The following SECTM1 variants were observed in gnomAD, a reference collection of about 807,000 sequenced individuals.
SECTM1 encodes secreted and transmembrane protein 1.
A neutral mutation model predicts 18.1 loss-of-function variants in SECTM1; 10 were observed. The ratio of observed to expected loss-of-function variants is 0.55; its 90% confidence interval spans 0.34 to 0.94. The LOEUF is 0.94. SECTM1 is among the 40% of genes least tolerant of loss of function. The pLI is 0.02. For synonymous variants in SECTM1, 137 were observed against 139.2 expected (o/e 0.98, Z 0.11); for missense variants, 297 against 322.6 (o/e 0.92, Z 0.61).
chr17:82,327,317 C>A, intron 1 of SECTM1, 25 bp from the exon 2 acceptor site: 1 of 1,329,462 alleles, frequency 7.5e-7, no homozygotes, highest in South Asian at 1.3e-5. Context: ...GCCCATGGGT[C>A]AGAGCCCCCT....
At chr17:82,333,316 G>A (rs1011006023) in intron 1 of SECTM1, among the ~76,000 whole-genome samples, 1 of 152,176 alleles carries the variant, frequency 6.6e-6, no homozygotes, top group South Asian at 2.1e-4. Context: ...GGGGAGCCCC[G>A]GGTCCGAGAC....
chr17:82,321,800 G>A lies in SECTM1; in HGVS notation c.*361C>T, dbSNP rs1185483455. Reference sequence around the variant, plus strand: ...CCGGCAGGGGCCCCCTCACTTGGGCGCGGAGCCCTGGGAGTGGAGAGAGCG... The same window carrying A: ...CCGGCAGGGGCCCCCTCACTTGGGCACGGAGCCCTGGGAGTGGAGAGAGCG... On this transcript the variant is annotated 3_prime_UTR_variant, in exon 5 of 5. Coordinates refer to ENST00000269389, the MANE Select transcript of SECTM1 (RefSeq NM_003004.3). 1.6e-5 allele frequency: 4 copies of A among 243,228 alleles called. No individual in the cohort carries two copies. Among genetic ancestry groups the A allele is most frequent in the South Asian group, 9.5e-5 (2 of 21,060 alleles). The allele number at this position is 243,228 out of a possible 1,614,324, so 15.1% of individuals were successfully genotyped here.
At chr17:82,323,938 T>C (rs565313195) in intron 3 of SECTM1, among the ~76,000 whole-genome samples, 3 of 143,076 alleles carry the variant, frequency 2.1e-5, no homozygotes, top group Admixed American at 1.4e-4. Flanking sequence ...CGAGGGCAGG[T>C]GTGGTCTAGG....
intron 1 of SECTM1, among the ~76,000 whole-genome samples, chr17:82,327,553 C>T (rs545723448): frequency 5.9e-5 from 9 of 152,290 alleles, no homozygotes; most frequent in South Asian, 4.1e-4. Context: ...ATCTGCCTTG[C>T]GGGTCAGCCC....
rs1288917354 is a variant in SECTM1, at chr17:82,328,659, A to G, written c.-52-1367T>C. Among the ~76,000 whole-genome samples, 1 of 152,208 alleles carries G rather than the reference A, an allele frequency of 6.6e-6. No individual in the cohort carries two copies. The highest frequency in any genetic ancestry group is 1.9e-4 in the East Asian group (1 of 5,194). On this transcript the variant is annotated intron_variant, in intron 1 of 4. Coordinates refer to ENST00000269389, the MANE Select transcript of SECTM1 (RefSeq NM_003004.3). This position sits in a 1 kb window ranked among gnomAD's most constrained non-coding sequence, Gnocchi z 5.8. ...GTTGACGTTCCTGCTGGACTTTGAA[A>G]GGGACCAGGGAAGGGAAAGTGAGGG...
intron 1 of SECTM1, among the ~76,000 whole-genome samples, chr17:82,331,868 G>A (rs529958278): frequency 7.2e-5 from 11 of 152,360 alleles, no homozygotes; most frequent in African/African-American, 2.4e-4. Context: ...GGCCGGGCGC[G>A]GTGGCGCATG....
At chr17:82,333,479 G>C (rs989045134) in intron 1 of SECTM1, among the ~76,000 whole-genome samples, 4 of 151,208 alleles carry the variant, frequency 2.6e-5, no homozygotes, top group African/African-American at 9.7e-5. Context: ...CCAGCGGGGG[G>C]TGACGGTCCC....
At chr17:82,327,346 A>ATGG in intron 1 of SECTM1, 54 bp from the exon 2 acceptor site, 1 of 1,044,210 alleles carries the variant, frequency 9.6e-7, no homozygotes, top group Non-Finnish European at 1.4e-6. Context: ...TGAAGGGGAC[A>ATGG]GCGGGAGCGG....
At chr17:82,324,461 A>T in intron 3 of SECTM1, 121 bp downstream of exon 3, 1 of 1,099,404 alleles carries the variant, frequency 9.1e-7, no homozygotes, top group Non-Finnish European at 1.3e-6. Flanking sequence ...AGCCCGGCTC[A>T]TGCCTGCTCT....
At chr17:82,332,965 G>C (rs527592222) in intron 1 of SECTM1, among the ~76,000 whole-genome samples, 35 of 152,368 alleles carry the variant, frequency 2.3e-4, no homozygotes, top group Middle Eastern at 3.4e-3. Flanking sequence ...TTCTCAAGCT[G>C]CAGGTGATTC....
Position 82,321,947 on chromosome 17 carries a change from G to A in SECTM1, c.*214C>T, listed in dbSNP as rs2052093834. 1.7e-6 allele frequency: 1 copy of A among 575,082 alleles called. No individual in the cohort carries two copies. Among genetic ancestry groups the A allele is most frequent in the African/African-American group, 1.9e-5 (1 of 52,592 alleles). 35.6% of individuals were successfully genotyped at this position (575,082 alleles called of 1,614,324 possible). A position where few individuals can be genotyped will look rare whatever the true frequency, so the allele number is the denominator to read the frequency against. ...AAGTCGGGTGCTGCGGAGGTGAGGTGGTTCCATTTTGGAAACTGAGGAAGC... is the reference window on the plus strand; with the variant it reads ...AAGTCGGGTGCTGCGGAGGTGAGGTAGTTCCATTTTGGAAACTGAGGAAGC... On this transcript the variant is annotated 3_prime_UTR_variant, in exon 5 of 5. Coordinates refer to ENST00000269389, the MANE Select transcript of SECTM1 (RefSeq NM_003004.3).
Position 82,322,106 on chromosome 17 carries a change from C to G in SECTM1, c.*55G>C. The G allele has an allele frequency of 6.3e-7, 1 of 1,579,340 alleles. No individual in the cohort carries two copies. The highest frequency in any genetic ancestry group is 8.7e-7 in the Non-Finnish European group (1 of 1,150,434). ...GGGACGAGAGACCCAGGCCCCGCCA[C>G]CCAAGGTCGGCACTCAGGGCTGGCT... On this transcript the variant is annotated 3_prime_UTR_variant, in exon 5 of 5. Transcript: ENST00000269389.
chr17:82,322,373 G>T lies in SECTM1; in HGVS notation c.538-3C>A, dbSNP rs1431171894. 1 of 1,613,452 alleles carries T rather than the reference G, an allele frequency of 6.2e-7. No homozygotes were observed. ...GGTTCTAGGAGGAAGAACTTCTTCT[G>T]CAGGGGGAGGAAGGAGGTGCCTGTG... On this transcript the variant is annotated splice_polypyrimidine_tract_variant and splice_region_variant and intron_variant, in intron 4 of 4. Transcript: ENST00000269389.
intron 1 of SECTM1, among the ~76,000 whole-genome samples, chr17:82,331,929 C>T (rs1374683810): frequency 6.6e-6 from 1 of 151,910 alleles, no homozygotes; most frequent in Admixed American, 6.5e-5. Flanking sequence ...CACCTGAGGT[C>T]GGGAGTTTGA....
intron 3 of SECTM1, 109 bp from the exon 4 acceptor site, chr17:82,323,120 T>C: frequency 7.6e-7 from 1 of 1,318,970 alleles, no homozygotes; most frequent in Non-Finnish European, 1.0e-6. Context: ...GGGGTGAGAA[T>C]GAGCCTTGGA....
At chr17:82,333,041 G>C (rs565153638) in intron 1 of SECTM1, among the ~76,000 whole-genome samples, 1 of 151,652 alleles carries the variant, frequency 6.6e-6, no homozygotes, top group Non-Finnish European at 1.5e-5. Context: ...GCGTGAGAAC[G>C]GGCAGCTGAG....
rs754916290 is a variant in SECTM1, at chr17:82,324,627, C to T, written c.358G>A (p.Val120Met). 23 of 1,612,500 alleles carry T rather than the reference C, an allele frequency of 1.4e-5. No individual in the cohort carries two copies. The Admixed American group carries it at 1.7e-4, about 12-fold the overall frequency. The change falls in exon 3 of 5, where the codon GTG becomes ATG. Residue 120 changes from valine to methionine, a missense_variant. Coordinates refer to ENST00000269389, the MANE Select transcript of SECTM1 (RefSeq NM_003004.3). ...SHAGLYMWHL[V>M]GHQRNNRQVT... ...TGTCTGTTATTTCTCTGGTGTCCCA[C>T]GAGGTGCCACATGTACAGCCCAGCA... is the stretch of plus-strand genomic sequence containing the variant.
At chr17:82,322,510 G>T in intron 4 of SECTM1, 140 bp from the exon 5 acceptor site, 1 of 860,616 alleles carries the variant, frequency 1.2e-6, no homozygotes, top group South Asian at 1.6e-5. Flanking sequence ...GCCCTCGCCT[G>T]GGTTCTGAAA....
Position 82,322,004 on chromosome 17 carries a change from A to G in SECTM1, c.*157T>C. On this transcript the variant is annotated 3_prime_UTR_variant, in exon 5 of 5. Transcript: ENST00000269389. ...TGGAAGACCTGGGGGGTGGAGGGGA[A>G]GGGTCTGCACGCACCCAGGAGTGGG... is the stretch of plus-strand genomic sequence containing the variant. The G allele has an allele frequency of 1.6e-6, 1 of 625,128 alleles. No homozygotes were observed. Among genetic ancestry groups the G allele is most frequent in the Non-Finnish European group, 2.8e-6 (1 of 360,594 alleles). The allele number at this position is 625,128 out of a possible 1,614,324, so 38.7% of individuals were successfully genotyped here.
Sources: gnomAD v4.1 joint callset for allele counts (sites outside exome capture counted in the v4.1 genomes callset) on GRCh38, gnomAD v4.1.1 for gene constraint, Gnocchi (gnomAD v3.1) non-coding constraint, MANE v1.5 for transcripts, NCBI Gene and HGNC (gene_info 2026-07-23, HGNC 2026-07-21) for gene names.